The following PHLDB3 variants were observed in gnomAD, a reference collection of about 807,000 sequenced individuals.
PHLDB3 encodes the protein pleckstrin homology like domain family B member 3, also known as pleckstrin homology-like domain family B member 3.
PHLDB3 carries 86 observed loss-of-function variants against 85.7 expected under a neutral mutation model. The observed-to-expected ratio is 1.00, with a 90% CI of 0.84 to 1.20. PHLDB3 has a LOEUF of 1.20. PHLDB3 is among the 50% of genes most tolerant of loss of function. The probability of loss-of-function intolerance (pLI) is 0.00; values close to 1 mark genes in which losing one functional copy is unlikely to be tolerated. For synonymous variants in PHLDB3, 376 were observed against 349.8 expected (o/e 1.07, Z -0.83); for missense variants, 995 against 873.0 (o/e 1.14, Z -1.76).
At chr19:43,483,007 C>T (rs1283476315) in intron 13 of PHLDB3, among the ~76,000 whole-genome samples, 2 of 152,164 alleles carry the variant, frequency 1.3e-5, no homozygotes, top group Non-Finnish European at 2.9e-5. Flanking sequence ...CAGCTTCCCC[C>T]AAAGGTGGGG....
intron 4 of PHLDB3, among the ~76,000 whole-genome samples, chr19:43,499,514 C>T (rs192632010): frequency 1.6e-4 from 25 of 151,932 alleles, no homozygotes; most frequent in African/African-American, 5.6e-4. Flanking sequence ...GTAGCCAGTA[C>T]CCTAGGAAGA....
At chr19:43,497,908 T>C in intron 4 of PHLDB3, 32 bp from the exon 5 acceptor site, 1 of 1,578,288 alleles carries the variant, frequency 6.3e-7, no homozygotes, top group Non-Finnish European at 8.6e-7. Flanking sequence ...CACCCTCAGC[T>C]TAAGCATAGC....
chr19:43,490,536 C>T lies in PHLDB3; in HGVS notation c.1150-3413G>A, dbSNP rs535204062. On this transcript the variant is annotated intron_variant, in intron 9 of 15. Coordinates refer to ENST00000292140, the MANE Select transcript of PHLDB3 (RefSeq NM_198850.4). ...CCATTACACTCCACTCCAGCCTGGG[C>T]GACAGAGCGAGACTGTCTCAAAAAT... 2.0e-5 allele frequency among the ~76,000 whole-genome samples: 3 copies of T among 151,960 alleles called. No individual in the cohort carries two copies. The East Asian group carries it at 5.8e-4, about 29-fold the overall frequency.
chr19:43,486,423 TG>T, intron 12 of PHLDB3, 101 bp from the exon 13 acceptor site: 2 of 1,309,488 alleles, frequency 1.5e-6, no homozygotes, highest in Non-Finnish European at 2.1e-6. Flanking sequence ...GTACAGGGAC[TG>T]GGGGCCTGGA....
At position 43,497,159 on chromosome 19, in the gene PHLDB3, G is replaced by T; in HGVS notation, c.784C>A (p.Pro262Thr). 1 of 1,556,252 alleles carries T rather than the reference G, an allele frequency of 6.4e-7. No individual in the cohort carries two copies. The highest frequency in any genetic ancestry group is 8.7e-7 in the Non-Finnish European group (1 of 1,154,034). ...RDSPGPQVPDPKVQELQASMA... is the reference protein window; with the variant it reads ...RDSPGPQVPDTKVQELQASMA... ...CTGGCCTGGAGTTCCTGGACCTTGG[G>T]GTCTGGCACCTGGGGCCCAGGGCTG... The change falls in exon 6 of 16, where the codon CCC (proline) becomes ACC (threonine). Residue 262 changes from proline to threonine, a missense_variant. Physicochemically the swap from Pro to Thr is conservative, Grantham distance 38 (BLOSUM62 -1). Coordinates refer to ENST00000292140, the MANE Select transcript of PHLDB3 (RefSeq NM_198850.4).
At chr19:43,494,507 C>A (rs1299832080) in intron 9 of PHLDB3, among the ~76,000 whole-genome samples, 195 bp downstream of exon 9, 1 of 151,880 alleles carries the variant, frequency 6.6e-6, no homozygotes, top group African/African-American at 2.4e-5. Flanking sequence ...GGGTGTTACA[C>A]AGAAAAAAAA....
At chr19:43,493,432 T>A (rs1446406360) in intron 9 of PHLDB3, among the ~76,000 whole-genome samples, 1 of 152,036 alleles carries the variant, frequency 6.6e-6, no homozygotes, top group African/African-American at 2.4e-5. Flanking sequence ...GCCTAAGGGT[T>A]CAAGACCAGC....
Position 43,503,978 on chromosome 19 carries a change from G to A in PHLDB3, c.141C>T (p.Arg47=), listed in dbSNP as rs141379018. 73 of 1,613,800 alleles carry A rather than the reference G, an allele frequency of 4.5e-5. No individual in the cohort carries two copies. In the African/African-American group the frequency reaches 7.7e-4, roughly 17 times the overall value. Residue 47 remains arginine (R), a synonymous_variant, in exon 2 of 16, where the codon CGC becomes CGT. Coordinates refer to ENST00000292140, the MANE Select transcript of PHLDB3 (RefSeq NM_198850.4). The part of the protein sequence containing the change: ...ASEVLAEPSS[R]GGAEQQAEEE... ...CCTCTGCCTGCTGCTCAGCTCCCCC[G>A]CGGCTCGAAGGTTCCGCCAGGACTT...
chr19:43,499,479 G>A (rs1300995276), intron 4 of PHLDB3, among the ~76,000 whole-genome samples: 1 of 152,040 alleles, frequency 6.6e-6, no homozygotes, highest in Non-Finnish European at 1.5e-5. Flanking sequence ...GAGATTTCTG[G>A]ATCTGGGTGA....
At chr19:43,502,645 G>A (rs1292572838) in intron 2 of PHLDB3, among the ~76,000 whole-genome samples, 1 of 143,796 alleles carries the variant, frequency 7.0e-6, no homozygotes, top group Non-Finnish European at 1.5e-5. Flanking sequence ...TGGCAGAGAG[G>A]GGGCGATGCT....
At chr19:43,494,951 C>T in intron 8 of PHLDB3, 136 bp from the exon 9 acceptor site, 2 of 672,708 alleles carry the variant, frequency 3.0e-6, no homozygotes, top group Non-Finnish European at 5.1e-6. Flanking sequence ...GGAATGTGGT[C>T]CTTCGTGTCC....
At chr19:43,482,642 A>G (rs1037000047) in intron 13 of PHLDB3, among the ~76,000 whole-genome samples, 2 of 152,026 alleles carry the variant, frequency 1.3e-5, no homozygotes, top group Non-Finnish European at 2.9e-5. Flanking sequence ...AGTTCAAGCG[A>G]TTCTCCTGCC....
intron 4 of PHLDB3, among the ~76,000 whole-genome samples, chr19:43,500,923 C>CCT (rs1555757872): frequency 9.5e-6 from 1 of 105,756 alleles, no homozygotes; most frequent in African/African-American, 3.2e-5. Context: ...CCCCCCCACC[C>CCT]CGCAAGTACT....
rs1322017556 is a variant in PHLDB3 at position 43,479,385 on chromosome 19, T to C, written c.1694A>G (p.Tyr565Cys). ...CFDRQARRLAYYADKEETKLK... is the reference protein window; with the variant it reads ...CFDRQARRLACYADKEETKLK... Reference sequence around the variant, plus strand: ...GGCCAGGCTGGGCTTACCCGCATAGTAGGCCAAGCGGCGGGCTTGGCGGTC... The same window carrying C: ...GGCCAGGCTGGGCTTACCCGCATAGCAGGCCAAGCGGCGGGCTTGGCGGTC... Residue 565 changes from tyrosine to cysteine, a missense_variant, in exon 14 of 16, where the codon TAC (tyrosine) becomes TGC (cysteine). Physicochemically the swap from Tyr to Cys is radical, Grantham distance 194. Transcript: ENST00000292140. 2 of 1,562,682 alleles carry C rather than the reference T, an allele frequency of 1.3e-6. No individual in the cohort carries two copies. The highest frequency in any genetic ancestry group is 1.7e-6 in the Non-Finnish European group (2 of 1,154,078).
intron 2 of PHLDB3, 30 bp downstream of exon 2, chr19:43,503,876 C>A (rs773370177): frequency 6.2e-7 from 1 of 1,612,788 alleles, no homozygotes; most frequent in Non-Finnish European, 8.5e-7. Context: ...CGGTCCAAGC[C>A]CCCCGCGCTG....
intron 4 of PHLDB3, among the ~76,000 whole-genome samples, chr19:43,498,720 A>G (rs1039927145): frequency 1.3e-5 from 2 of 152,118 alleles, no homozygotes; most frequent in Non-Finnish European, 2.9e-5. Context: ...GCACTACTGC[A>G]CTCCAGCCTG....
chr19:43,486,487 G>A, intron 12 of PHLDB3, 122 bp downstream of exon 12: 1 of 1,331,528 alleles, frequency 7.5e-7, no homozygotes, highest in South Asian at 1.4e-5. Context: ...GGGTCTGAGG[G>A]TGGAGGGGCT....
At chr19:43,494,840 G>C in intron 8 of PHLDB3, 25 bp from the exon 9 acceptor site, 2 of 1,573,954 alleles carry the variant, frequency 1.3e-6, no homozygotes, top group Non-Finnish European at 1.7e-6. Context: ...GTGAAGTTTC[G>C]TGGGAGCAGG....
In PHLDB3 at chr19:43,486,798, T is replaced by A. The variant is rs1971173746; in HGVS notation, c.1322A>T (p.Asn441Ile). ...GTCTCACCTATTCCCACGGCCACAG[T>A]TCAGCAGCTGGTAGAGGGGGTATCT... is the stretch of plus-strand genomic sequence containing the variant. ...SGRYPLYQLL[N>I]CGRGNSCGAI... Residue 441 changes from asparagine to isoleucine, a missense_variant, in exon 11 of 16, where the codon AAC becomes ATC. By Grantham distance (149) the Asn-to-Ile change is moderately radical. Transcript: ENST00000292140. The A allele has an allele frequency of 1.8e-5, 29 of 1,598,760 alleles. No individual in the cohort carries two copies. Among genetic ancestry groups the A allele is most frequent in the Non-Finnish European group, 2.5e-5 (29 of 1,170,932 alleles).
Sources: allele counts gnomAD v4.1 joint callset (sites outside exome capture counted in the v4.1 genomes callset), GRCh38; gene constraint gnomAD v4.1.1; transcripts MANE v1.5; gene names NCBI Gene and HGNC (gene_info 2026-07-23, HGNC 2026-07-21).